Variants in TEX9 observed in about 807,000 individuals in gnomAD.
TEX9 encodes the protein testis-expressed protein 9.
A neutral mutation model predicts 59.6 loss-of-function variants in TEX9; 74 were observed. That is an observed-to-expected ratio of 1.24 (90% CI 1.03 to 1.51). The LOEUF (loss-of-function observed/expected upper bound fraction) is 1.51, where lower values mean the gene tolerates loss of function less well. Among genes scored for constraint, TEX9 ranks in the 40% most tolerant of loss-of-function variants. TEX9 has a pLI of 0.00. For synonymous variants in TEX9, 186 were observed against 152.2 expected, an observed-to-expected ratio of 1.22 and a Z score of -1.64; for missense variants, 522 against 447.8, an observed-to-expected ratio of 1.17 and a Z score of -1.49.
At chr15:56,419,549 A>G (rs1332564161) in intron 10 of TEX9, among the ~76,000 whole-genome samples, 1 of 151,836 alleles carries the variant, frequency 6.6e-6, no homozygotes, top group Non-Finnish European at 1.5e-5. Flanking sequence ...AGTCTTTCAA[A>G]TGTTAAAACA....
intron 1 of TEX9, among the ~76,000 whole-genome samples, chr15:56,285,757 CCCCAAATT>C (rs2044938061): frequency 6.6e-6 from 1 of 152,094 alleles, no homozygotes; most frequent in Non-Finnish European, 1.5e-5. Context: ...AAAGTTAAAT[CCCCAAATT>C]CTTTATAATG....
chr15:56,445,049 C>T (rs1174682033), intron 12 of TEX9, among the ~76,000 whole-genome samples: 4 of 151,932 alleles, frequency 2.6e-5, no homozygotes, highest in Admixed American at 2.6e-4. Flanking sequence ...TCGTTTTTAG[C>T]TTCATTGTTT....
intron 1 of TEX9, among the ~76,000 whole-genome samples, chr15:56,280,671 C>T (rs1223258144): frequency 2.0e-5 from 3 of 152,172 alleles, no homozygotes; most frequent in African/African-American, 7.2e-5. Flanking sequence ...TGTTTTTAAT[C>T]TCACAGAATT....
At chr15:56,301,995 A>G (rs1215855348) in intron 1 of TEX9, among the ~76,000 whole-genome samples, 4 of 152,224 alleles carry the variant, frequency 2.6e-5, no homozygotes, top group African/African-American at 9.6e-5. Flanking sequence ...TAAAAGACAT[A>G]GTATAATAAA....
chr15:56,301,704 C>T (rs2045363920), intron 1 of TEX9, among the ~76,000 whole-genome samples: 1 of 151,492 alleles, frequency 6.6e-6, no homozygotes, highest in African/African-American at 2.4e-5. Context: ...GTGAAAATAT[C>T]CTTCAAGCAT....
intron 1 of TEX9, among the ~76,000 whole-genome samples, chr15:56,289,677 G>C (rs148010031): frequency 6.6e-6 from 1 of 152,178 alleles, no homozygotes; most frequent in Admixed American, 6.5e-5. Flanking sequence ...TGGGTCTGGC[G>C]TGTGGGCTCA....
chr15:56,365,178 C>G (rs1236123634), upstream of TEX9, among the ~76,000 whole-genome samples: 1 of 152,196 alleles, frequency 6.6e-6, no homozygotes, highest in Non-Finnish European at 1.5e-5. Context: ...GGCAAAGGAC[C>G]TGCCTGTTTT....
At chr15:56,271,308 A>G (rs2044524704) in intron 1 of TEX9, among the ~76,000 whole-genome samples, 1 of 152,034 alleles carries the variant, frequency 6.6e-6, no homozygotes, top group Non-Finnish European at 1.5e-5. Context: ...ACATAGTCCC[A>G]TATTTCTTGG....
chr15:56,268,435 C>T (rs2044442595), intron 1 of TEX9, among the ~76,000 whole-genome samples: 1 of 152,124 alleles, frequency 6.6e-6, no homozygotes, highest in South Asian at 2.1e-4. Flanking sequence ...AGTTTTTGCC[C>T]ATTCAGTATG....
intron 1 of TEX9, among the ~76,000 whole-genome samples, chr15:56,273,245 G>A (rs764164774): frequency 1.3e-5 from 2 of 152,018 alleles, no homozygotes; most frequent in African/African-American, 2.4e-5. Flanking sequence ...ACACCCGGCC[G>A]AATTGTGTAT....
chr15:56,257,583 T>C (rs538486196), intron 1 of TEX9, among the ~76,000 whole-genome samples: 2 of 152,202 alleles, frequency 1.3e-5, no homozygotes, highest in Admixed American at 1.3e-4. Context: ...GCTGCATGTA[T>C]GTCTTCTTTT....
At chr15:56,321,916 G>T (rs1251737203) in intron 1 of TEX9, among the ~76,000 whole-genome samples, 1 of 152,012 alleles carries the variant, frequency 6.6e-6, no homozygotes, top group African/African-American at 2.4e-5. Flanking sequence ...GGGGTTAGGA[G>T]TGGGTGGGGG....
intron 1 of TEX9, among the ~76,000 whole-genome samples, chr15:56,358,973 A>T (rs1278435244): frequency 2.0e-5 from 3 of 152,136 alleles, no homozygotes; most frequent in Admixed American, 2.0e-4. Context: ...AGCCATGCAG[A>T]ACTTTGAGTC....
In TEX9 at chr15:56,340,687, G is replaced by A. The variant is rs550059917; in HGVS notation, c.-106-32754G>A. Among the ~76,000 whole-genome samples, 6 of 152,056 alleles carry A rather than the reference G, an allele frequency of 3.9e-5. No individual in the cohort carries two copies. The East Asian group carries it at 5.8e-4, about 15-fold the overall frequency. ...GATATACTTCCTAGTTCTTGCTCACGTATGTTACTGAACTCCTGCAGCTCA... is the reference window on the plus strand; with the variant it reads ...GATATACTTCCTAGTTCTTGCTCACATATGTTACTGAACTCCTGCAGCTCA... On this transcript the variant is annotated intron_variant, in intron 1 of 5. Transcript: ENST00000560827.
upstream of TEX9, among the ~76,000 whole-genome samples, chr15:56,365,231 A>G (rs2046878699): frequency 6.6e-6 from 1 of 151,328 alleles, no homozygotes; most frequent in Non-Finnish European, 1.5e-5. Context: ...AATTTGCACT[A>G]ACTAAGTCGA....
exon 1 of TEX9, chr15:56,365,466 C>A (rs578076020): frequency 3.7e-6 from 6 of 1,613,578 alleles, no homozygotes; most frequent in Non-Finnish European, 4.2e-6. Context: ...GGGGCGAAGT[C>A]TGTGTCTCAC....
At chr15:56,264,863 CTT>C (rs1393879402) in intron 1 of TEX9, among the ~76,000 whole-genome samples, 1 of 152,178 alleles carries the variant, frequency 6.6e-6, no homozygotes, top group Non-Finnish European at 1.5e-5. Flanking sequence ...GATAATCAGT[CTT>C]TTCTCTATGG....
intron 1 of TEX9, among the ~76,000 whole-genome samples, chr15:56,293,650 A>T (rs1380914188): frequency 2.0e-5 from 3 of 152,148 alleles, no homozygotes; most frequent in Admixed American, 1.3e-4. Context: ...TCCAGAAGGG[A>T]CTGGAGATTA....
intron 1 of TEX9, among the ~76,000 whole-genome samples, chr15:56,331,778 A>C (rs1031276812): frequency 6.6e-6 from 1 of 151,068 alleles, no homozygotes; most frequent in Non-Finnish European, 1.5e-5. Flanking sequence ...TACAAGAAAA[A>C]AACAAACAAC....
Sources: allele counts gnomAD v4.1 joint callset (sites outside exome capture counted in the v4.1 genomes callset), GRCh38; gene constraint gnomAD v4.1.1; transcripts MANE v1.5; gene names NCBI Gene and HGNC (gene_info 2026-07-23, HGNC 2026-07-21).